SHC3: variants seen among roughly 807,000 people sequenced by gnomAD.
The protein encoded by SHC3 is SHC-transforming protein 3.
In SHC3, 15 loss-of-function variants were observed where a neutral mutation model predicts 60.4. The ratio of observed to expected loss-of-function variants is 0.25; its 90% CI spans 0.17 to 0.38. SHC3 has a LOEUF of 0.38. Among genes scored for constraint, SHC3 ranks in the 10% least tolerant of loss-of-function variants. The probability of loss-of-function intolerance (pLI) is 1.00; values close to 1 mark genes in which losing one functional copy is unlikely to be tolerated. For synonymous variants in SHC3, 294 were observed against 325.9 expected, an observed-to-expected ratio of 0.90 and a Z score of 1.05; for missense variants, 677 against 786.1, an observed-to-expected ratio of 0.86 and a Z score of 1.66.
chr9:89,088,012 C>A (rs890781979), intron 2 of SHC3, among the ~76,000 whole-genome samples: 1 of 152,200 alleles, frequency 6.6e-6, no homozygotes, highest in African/African-American at 2.4e-5. Flanking sequence ...TGGGGAAAAT[C>A]TACACTCTGT....
chr9:89,036,835 C>T (rs551564648), intron 11 of SHC3, among the ~76,000 whole-genome samples: 1 of 152,118 alleles, frequency 6.6e-6, no homozygotes, highest in East Asian at 1.9e-4. Flanking sequence ...CTACGGGGCT[C>T]AAGCAATCCT....
chr9:89,113,172 A>G (rs760310656), intron 1 of SHC3, among the ~76,000 whole-genome samples: 16 of 152,246 alleles, frequency 1.1e-4, no homozygotes, highest in Admixed American at 1.3e-4. Context: ...ACTTTGGTTT[A>G]CCAGATCTTC....
chr9:89,052,003 A>G, intron 7 of SHC3, 34 bp downstream of exon 7: 1 of 1,609,966 alleles, frequency 6.2e-7, no homozygotes, highest in South Asian at 1.1e-5. Context: ...AAACCCACAT[A>G]GGCTATTGCA....
intron 2 of SHC3, among the ~76,000 whole-genome samples, chr9:89,092,789 T>A (rs1290155165): frequency 1.3e-5 from 2 of 151,792 alleles, no homozygotes; most frequent in Non-Finnish European, 2.9e-5. Context: ...TACCAAAAAA[T>A]CTGGAAAGCT....
At chr9:89,168,664 G>C (rs1259971384) in intron 1 of SHC3, among the ~76,000 whole-genome samples, 2 of 152,260 alleles carry the variant, frequency 1.3e-5, no homozygotes, top group African/African-American at 4.8e-5. Context: ...GGGGTGAACT[G>C]TATATGTCCA....
chr9:89,043,934 G>C (rs557132677), intron 9 of SHC3, among the ~76,000 whole-genome samples: 1 of 152,140 alleles, frequency 6.6e-6, no homozygotes, highest in Non-Finnish European at 1.5e-5. Context: ...AATTACAGGC[G>C]TGAGCCACCA....
Position 89,010,965 on chromosome 9 carries a change from CA to C in SHC3, c.*2481del, listed in dbSNP as rs1035468606. On this transcript the variant is annotated 3_prime_UTR_variant, in exon 12 of 12. Transcript: ENST00000375835. The stretch of plus-strand genomic sequence containing the variant: ...TTTCCCCATGTGTCTGTGAGGCTCA[CA>C]GGAATGGCCCACCACACAGTGCTGG... 24 of 152,332 alleles carry C rather than the reference CA, an allele frequency of 1.6e-4. No individual in the cohort carries two copies. Among genetic ancestry groups the C allele is most frequent in the African/African-American group, 5.8e-4 (24 of 41,582 alleles). 9.4% of individuals were successfully genotyped at this position (152,332 alleles called of 1,614,324 possible).
At chr9:89,068,131 G>C (rs944813000) in intron 5 of SHC3, among the ~76,000 whole-genome samples, 2 of 152,132 alleles carry the variant, frequency 1.3e-5, no homozygotes, top group African/African-American at 4.8e-5. Flanking sequence ...TTGTCATCAG[G>C]AAGCACTAAG....
At chr9:89,172,297 C>T (rs1826880349) in intron 1 of SHC3, among the ~76,000 whole-genome samples, 1 of 152,192 alleles carries the variant, frequency 6.6e-6, no homozygotes, top group African/African-American at 2.4e-5. Flanking sequence ...AATTCTAGCA[C>T]TGGGAGACAT....
intron 7 of SHC3, 145 bp downstream of exon 7, chr9:89,051,892 C>T: frequency 8.6e-7 from 1 of 1,161,488 alleles, no homozygotes; most frequent in South Asian, 1.6e-5. Context: ...TGTGCCATAT[C>T]CCAGCACCGA....
At chr9:89,090,392 G>T (rs939406883) in intron 2 of SHC3, among the ~76,000 whole-genome samples, 3 of 152,214 alleles carry the variant, frequency 2.0e-5, no homozygotes, top group African/African-American at 4.8e-5. Flanking sequence ...GCCTCCCAGT[G>T]TAAGGTTATG....
rs1825966655 is a variant in SHC3 at position 89,008,050 on chromosome 9, G to A, written c.*5397C>T. The A allele has an allele frequency of 6.6e-6, 1 of 152,190 alleles. No individual in the cohort carries two copies. The highest frequency in any genetic ancestry group is 1.5e-5 in the Non-Finnish European group (1 of 68,042). 9.4% of individuals were successfully genotyped at this position (152,190 alleles called of 1,614,324 possible). ...GCAGATCCGTTTTTAATCAATGTAA[G>A]TATATGCGTATATGTATATACATAT... On this transcript the variant is annotated 3_prime_UTR_variant, in exon 12 of 12. Coordinates refer to ENST00000375835, the MANE Select transcript of SHC3 (RefSeq NM_016848.6).
At chr9:89,028,485 C>T (rs1038027335) in intron 11 of SHC3, among the ~76,000 whole-genome samples, 2 of 18,622 alleles carry the variant, frequency 1.1e-4, no homozygotes, top group Non-Finnish European at 1.9e-4. Context: ...TAGATTATAT[C>T]TATATAGATA....
intron 1 of SHC3, among the ~76,000 whole-genome samples, chr9:89,161,211 G>T (rs751092370): frequency 6.6e-6 from 1 of 152,174 alleles, no homozygotes; most frequent in African/African-American, 2.4e-5. Context: ...GGTTTCTCAT[G>T]AATGGTTTAG....
chr9:89,012,600 A>G lies in SHC3; in HGVS notation c.*847T>C, dbSNP rs1331164075. The G allele has an allele frequency of 1.3e-5, 2 of 152,170 alleles. No homozygotes were observed. Among genetic ancestry groups the G allele is most frequent in the Non-Finnish European group, 2.9e-5 (2 of 68,034 alleles). 9.4% of individuals were successfully genotyped at this position (152,170 alleles called of 1,614,324 possible). ...GACTAGAGGGAGACACAAACCAGGA[A>G]TTTGCCCCGACCACCCTTCTACAAA... On this transcript the variant is annotated 3_prime_UTR_variant, in exon 12 of 12. Coordinates refer to ENST00000375835, the MANE Select transcript of SHC3 (RefSeq NM_016848.6).
At chr9:89,101,925 G>C (rs761802273) in intron 2 of SHC3, among the ~76,000 whole-genome samples, 2 of 151,968 alleles carry the variant, frequency 1.3e-5, no homozygotes, top group African/African-American at 2.4e-5. Context: ...TAAATGTTTG[G>C]TAGCATTCAC....
intron 5 of SHC3, among the ~76,000 whole-genome samples, chr9:89,068,088 C>T (rs1336916400): frequency 1.3e-5 from 2 of 152,164 alleles, no homozygotes; most frequent in African/African-American, 2.4e-5. Flanking sequence ...TCTGGCAGAG[C>T]AGGCAAATAT....
chr9:89,175,586 A>G (rs1488659126), intron 1 of SHC3, among the ~76,000 whole-genome samples: 4 of 152,190 alleles, frequency 2.6e-5, no homozygotes, highest in Admixed American at 6.5e-5. Context: ...TTTGAGGGGG[A>G]AAATCTATAA....
chr9:89,075,175 C>T lies in SHC3; in HGVS notation c.663G>A (p.Ala221=), dbSNP rs778723452. The T allele has an allele frequency of 2.0e-5, 33 of 1,613,758 alleles. 1 individual carries two copies. Among genetic ancestry groups the T allele is most frequent in the South Asian group, 9.9e-5 (9 of 91,056 alleles). ...AGATGGTCAGAGAGATGCTCATTCC[C>T]GCAAACTGGAGGTTGCTCTTTCCCA... ...SILGKSNLQF[A]GMSISLTIST... The change falls in exon 4 of 12, where the codon GCG becomes GCA. Residue 221 remains alanine (A), a synonymous_variant. Transcript: ENST00000375835.
Sources: gnomAD v4.1 joint callset for allele counts (sites outside exome capture counted in the v4.1 genomes callset) on GRCh38, gnomAD v4.1.1 for gene constraint, MANE v1.5 for transcripts, NCBI Gene and HGNC (gene_info 2026-07-23, HGNC 2026-07-21) for gene names.